The following GAREM1 variants were observed in gnomAD, a reference collection of about 807,000 sequenced individuals.
The protein encoded by GAREM1 is GRB2 associated regulator of MAPK1 subtype 1.
GAREM1 carries 26 observed loss-of-function variants against 71.3 expected under a neutral mutation model. The ratio of observed to expected loss-of-function variants is 0.36; its 90% CI spans 0.27 to 0.51. The LOEUF is 0.51. GAREM1 is among the 20% of genes least tolerant of loss of function. The pLI, the probability that GAREM1 is intolerant of heterozygous loss-of-function variation, is 0.95. For synonymous variants in GAREM1, 440 were observed against 433.2 expected (o/e 1.02, Z -0.20); for missense variants, 1,026 against 1,103.1 (o/e 0.93, Z 0.99).
intron 4 of GAREM1, among the ~76,000 whole-genome samples, chr18:32,286,062 T>C (rs909495320): frequency 1.3e-5 from 2 of 152,206 alleles, no homozygotes; most frequent in Non-Finnish European, 2.9e-5. Context: ...GCCACTGTAA[T>C]AGATACTGTC....
At chr18:32,460,712 C>T (rs1387688615) in intron 1 of GAREM1, among the ~76,000 whole-genome samples, 1 of 152,120 alleles carries the variant, frequency 6.6e-6, no homozygotes, top group Non-Finnish European at 1.5e-5. Flanking sequence ...GAAGTAAAAT[C>T]CGTGGTGCCC....
At chr18:32,404,804 A>G (rs2048350699) in intron 1 of GAREM1, among the ~76,000 whole-genome samples, 1 of 152,228 alleles carries the variant, frequency 6.6e-6, no homozygotes, top group African/African-American at 2.4e-5. Context: ...GTGGACATTT[A>G]AATAGTTATT....
At chr18:32,342,039 A>C (rs1419181424) in intron 2 of GAREM1, among the ~76,000 whole-genome samples, 1 of 152,148 alleles carries the variant, frequency 6.6e-6, no homozygotes, top group African/African-American at 2.4e-5. Context: ...TATTTTGAAT[A>C]AGTTGGGTTT....
At chr18:32,450,516 G>C (rs1456782536) in intron 1 of GAREM1, among the ~76,000 whole-genome samples, 1 of 151,950 alleles carries the variant, frequency 6.6e-6, no homozygotes, top group East Asian at 1.9e-4. Flanking sequence ...ATTCTCTCTT[G>C]ATCAATGTGA....
At chr18:32,428,640 A>G (rs991945454) in intron 1 of GAREM1, among the ~76,000 whole-genome samples, 4 of 152,170 alleles carry the variant, frequency 2.6e-5, no homozygotes, top group Non-Finnish European at 2.9e-5. Flanking sequence ...AGATCCGTGA[A>G]CCAATTAGAC....
intron 1 of GAREM1, among the ~76,000 whole-genome samples, chr18:32,456,885 A>G (rs1464596876): frequency 2.0e-5 from 3 of 152,158 alleles, no homozygotes; most frequent in Admixed American, 6.6e-5. Context: ...CAGATGATTT[A>G]GAAAGATTCC....
chr18:32,412,963 T>C (rs1375989854), intron 1 of GAREM1: 11 of 1,343,728 alleles, frequency 8.2e-6, no homozygotes, highest in Middle Eastern at 2.5e-4. Context: ...CTTGCATTCA[T>C]AGCTGCATCC....
At chr18:32,272,815 G>A (rs1216946012) in intron 4 of GAREM1, among the ~76,000 whole-genome samples, 1 of 152,166 alleles carries the variant, frequency 6.6e-6, no homozygotes, top group Non-Finnish European at 1.5e-5. Flanking sequence ...TAGAAAGGGG[G>A]TTTCGCCATG....
At chr18:32,301,909 T>C (rs1229161127) in intron 3 of GAREM1, among the ~76,000 whole-genome samples, 1 of 152,248 alleles carries the variant, frequency 6.6e-6, no homozygotes. Context: ...AAAAGGTACA[T>C]GTATAACATT....
intron 1 of GAREM1, among the ~76,000 whole-genome samples, chr18:32,410,219 A>G (rs1367260692): frequency 6.6e-6 from 1 of 152,160 alleles, no homozygotes; most frequent in Non-Finnish European, 1.5e-5. Context: ...CTCCATCCCC[A>G]ACTCTCTGCT....
intron 2 of GAREM1, among the ~76,000 whole-genome samples, chr18:32,322,602 C>T (rs1192010919): frequency 6.6e-6 from 1 of 152,230 alleles, no homozygotes; most frequent in African/African-American, 2.4e-5. Flanking sequence ...TTCTTGTCTT[C>T]GTGAACTAAC....
chr18:32,401,351 T>C (rs1057016224), intron 1 of GAREM1, among the ~76,000 whole-genome samples: 29 of 150,970 alleles, frequency 1.9e-4, no homozygotes, highest in African/African-American at 4.7e-4. Flanking sequence ...TAAAGACTAA[T>C]TGAATATAAA....
intron 1 of GAREM1, among the ~76,000 whole-genome samples, chr18:32,418,291 G>A (rs542945423): frequency 6.6e-6 from 1 of 152,230 alleles, no homozygotes; most frequent in Admixed American, 6.5e-5. Flanking sequence ...AGAGTTCCGT[G>A]ATGAGTCTCA....
intron 1 of GAREM1, among the ~76,000 whole-genome samples, chr18:32,467,431 G>A (rs77482669): frequency 0.15 from 22,579 of 152,070 alleles, 1,779 homozygotes; most frequent in South Asian, 0.18. Context: ...AGAGTCAGAA[G>A]GTTGGCTGGA....
intron 2 of GAREM1, among the ~76,000 whole-genome samples, chr18:32,317,742 G>A (rs992669382): frequency 4.2e-5 from 6 of 143,630 alleles, no homozygotes; most frequent in Admixed American, 7.1e-5. Flanking sequence ...ATTAGCCAAC[G>A]TTAAGTACTC....
chr18:32,274,815 C>A (rs557612366), intron 4 of GAREM1, among the ~76,000 whole-genome samples: 1 of 152,182 alleles, frequency 6.6e-6, no homozygotes, highest in East Asian at 1.9e-4. Context: ...AATGAGCCTG[C>A]GAGCTAAAAT....
chr18:32,273,166 C>T (rs60291556), intron 4 of GAREM1, among the ~76,000 whole-genome samples: 14,507 of 152,144 alleles, frequency 0.095, 1,513 homozygotes, highest in African/African-American at 0.26. Flanking sequence ...AAATACTTAG[C>T]TACTTCCCAA....
intron 2 of GAREM1, among the ~76,000 whole-genome samples, chr18:32,350,099 A>G (rs959522698): frequency 6.6e-6 from 1 of 152,200 alleles, no homozygotes; most frequent in African/African-American, 2.4e-5. Flanking sequence ...CACTTTTTAT[A>G]TACAGTAACT....
intron 2 of GAREM1, among the ~76,000 whole-genome samples, chr18:32,378,843 C>T (rs1012489601): frequency 3.3e-5 from 5 of 152,196 alleles, no homozygotes; most frequent in African/African-American, 1.2e-4. Flanking sequence ...TTCCACTTTA[C>T]TTATGCAATT....
Sources: gnomAD v4.1 joint callset for allele counts (sites outside exome capture counted in the v4.1 genomes callset) on GRCh38, gnomAD v4.1.1 for gene constraint, MANE v1.5 for transcripts, NCBI Gene and HGNC (gene_info 2026-07-23, HGNC 2026-07-21) for gene names.